The following DOCK3 variants were observed in gnomAD, a reference collection of about 807,000 sequenced individuals.
The protein encoded by DOCK3 is dedicator of cytokinesis 3, also known as dedicator of cytokinesis protein 3.
DOCK3 carries 60 observed loss-of-function variants against 265.6 expected under a neutral mutation model. That is an observed-to-expected ratio of 0.23 (90% CI 0.18 to 0.28). The LOEUF (loss-of-function observed/expected upper bound fraction) is 0.28, where lower values mean the gene tolerates loss of function less well. Ranked by LOEUF, DOCK3 falls within the 10% of genes least tolerant of loss-of-function variation. The pLI, the probability that DOCK3 is intolerant of heterozygous loss-of-function variation, is 1.00. For synonymous variants in DOCK3, 881 were observed against 938.0 expected (o/e 0.94, Z 1.11); for missense variants, 1,981 against 2,594.3 (o/e 0.76, Z 5.14).
chr3:50,997,775 G>A (rs1157082139), intron 5 of DOCK3, among the ~76,000 whole-genome samples: 1 of 152,140 alleles, frequency 6.6e-6, no homozygotes. Context: ...ATAGGGATCA[G>A]TTGGAGGAGT....
chr3:51,198,763 C>T (rs2088489692), intron 12 of DOCK3, among the ~76,000 whole-genome samples: 1 of 152,172 alleles, frequency 6.6e-6, no homozygotes, highest in African/African-American at 2.4e-5. Context: ...TGAGCCACTG[C>T]TCATGCCTGT....
At chr3:50,952,535 A>G (rs1325996437) in intron 5 of DOCK3, among the ~76,000 whole-genome samples, 4 of 152,200 alleles carry the variant, frequency 2.6e-5, no homozygotes, top group Admixed American at 6.5e-5. Context: ...TTCATGCTCA[A>G]TAAATACCTA....
chr3:50,990,165 C>T (rs1398440851), intron 5 of DOCK3, among the ~76,000 whole-genome samples: 2 of 151,502 alleles, frequency 1.3e-5, no homozygotes, highest in Admixed American at 6.6e-5. Flanking sequence ...GTAAAAAGGC[C>T]AAATCTGTGA....
intron 5 of DOCK3, among the ~76,000 whole-genome samples, chr3:51,052,375 C>T (rs1172049438): frequency 2.0e-5 from 3 of 152,136 alleles, no homozygotes; most frequent in East Asian, 3.9e-4. Flanking sequence ...CATGGTGCAC[C>T]TATAGTCCCA....
intron 9 of DOCK3, among the ~76,000 whole-genome samples, chr3:51,126,503 G>C (rs1270706003): frequency 6.6e-6 from 1 of 152,152 alleles, no homozygotes; most frequent in Non-Finnish European, 1.5e-5. Flanking sequence ...CAGTCTTCTC[G>C]TCCTCCAGCG....
intron 5 of DOCK3, among the ~76,000 whole-genome samples, chr3:51,042,470 C>T (rs573357190): frequency 1.3e-5 from 2 of 152,234 alleles, no homozygotes; most frequent in East Asian, 3.9e-4. Flanking sequence ...AACCCACATA[C>T]TGAATGGGCA....
chr3:50,868,078 CT>C (rs71633039), intron 3 of DOCK3, among the ~76,000 whole-genome samples: 211 of 141,064 alleles, frequency 1.5e-3, no homozygotes, highest in Admixed American at 1.6e-3. Context: ...TGGGAGACTT[CT>C]TTTTTTTTTT....
At position 51,059,968 on chromosome 3, in the gene DOCK3, C is replaced by G. The variant is rs115836564; in HGVS notation, c.316-4480C>G. ...AAATTTTGTCAAATCTTTTAAAAAC[C>G]CTTCCTTAACCACACAGTCACATTC... On this transcript the variant is annotated intron_variant, in intron 5 of 52. Transcript: ENST00000266037. 6.9e-3 allele frequency among the ~76,000 whole-genome samples: 1,042 copies of G among 152,008 alleles called. 18 individuals are homozygous for G. Among genetic ancestry groups the G allele is most frequent in the African/African-American group, 0.024 (980 of 41,458 alleles).
chr3:51,190,162 C>T (rs1318538255), intron 12 of DOCK3, among the ~76,000 whole-genome samples: 2 of 152,218 alleles, frequency 1.3e-5, no homozygotes, highest in Non-Finnish European at 2.9e-5. Context: ...TTTTGTCCCA[C>T]AGGGTATTCC....
chr3:51,109,293 A>G (rs2109817525), intron 9 of DOCK3, among the ~76,000 whole-genome samples: 1 of 152,332 alleles, frequency 6.6e-6, no homozygotes, highest in South Asian at 2.1e-4. Flanking sequence ...AAATAATGAA[A>G]TTAAGGTGGA....
chr3:51,100,798 CTT>C (rs60941495), intron 9 of DOCK3, among the ~76,000 whole-genome samples: 20 of 143,342 alleles, frequency 1.4e-4, no homozygotes, highest in Admixed American at 1.4e-4. Flanking sequence ...TTTAATTTAT[CTT>C]TTTTTTTTTT....
chr3:51,033,349 C>T (rs1420583491), intron 5 of DOCK3, among the ~76,000 whole-genome samples: 1 of 152,200 alleles, frequency 6.6e-6, no homozygotes, highest in Non-Finnish European at 1.5e-5. Flanking sequence ...ATGCCTTGAT[C>T]CTTCCTTAAA....
At chr3:50,804,314 G>A (rs1052925614) in intron 2 of DOCK3, among the ~76,000 whole-genome samples, 2 of 151,932 alleles carry the variant, frequency 1.3e-5, no homozygotes, top group East Asian at 1.9e-4. Context: ...AGGCAGAGAC[G>A]CTCCTCGCTT....
intron 2 of DOCK3, among the ~76,000 whole-genome samples, chr3:50,781,550 A>C (rs1183585743): frequency 1.3e-5 from 2 of 152,122 alleles, no homozygotes; most frequent in Non-Finnish European, 2.9e-5. Context: ...CTGAAATTAG[A>C]GGCATGATCT....
intron 1 of DOCK3, among the ~76,000 whole-genome samples, chr3:50,728,302 T>C (rs1388789824): frequency 6.6e-6 from 1 of 152,152 alleles, no homozygotes; most frequent in Non-Finnish European, 1.5e-5. Flanking sequence ...AATTTGTGGG[T>C]GCAGTAAAGC....
chr3:51,292,447 A>G (rs908346561), intron 27 of DOCK3, among the ~76,000 whole-genome samples: 6 of 152,168 alleles, frequency 3.9e-5, no homozygotes, highest in African/African-American at 2.4e-5. Flanking sequence ...TTGTGTTTCT[A>G]TACAATAACA....
intron 5 of DOCK3, among the ~76,000 whole-genome samples, chr3:50,979,769 T>C (rs188344913): frequency 6.6e-6 from 1 of 152,362 alleles, no homozygotes; most frequent in Admixed American, 6.5e-5. Flanking sequence ...CTTTTTGATA[T>C]ATAGAAATGG....
intron 1 of DOCK3, among the ~76,000 whole-genome samples, chr3:50,725,851 G>A (rs574265403): frequency 5.9e-4 from 90 of 152,102 alleles, no homozygotes; most frequent in Non-Finnish European, 1.1e-3. Flanking sequence ...GTAGCCTCCC[G>A]GGTGGCATTT....
intron 2 of DOCK3, among the ~76,000 whole-genome samples, chr3:50,797,184 C>T (rs931602815): frequency 2.6e-4 from 39 of 151,790 alleles, no homozygotes; most frequent in Admixed American, 6.6e-5. Context: ...GTGGAAGAGG[C>T]GGTATGGCTG....
Sources: gnomAD v4.1 joint callset for allele counts (sites outside exome capture counted in the v4.1 genomes callset) on GRCh38, gnomAD v4.1.1 for gene constraint, MANE v1.5 for transcripts, NCBI Gene and HGNC (gene_info 2026-07-23, HGNC 2026-07-21) for gene names.